CPNE4: variants seen among roughly 807,000 people sequenced by gnomAD.
CPNE4 encodes the protein copine 4.
In CPNE4, 25 loss-of-function variants were observed where a neutral mutation model predicts 67.9. The ratio of observed to expected loss-of-function variants is 0.37; its 90% confidence interval spans 0.27 to 0.51. The LOEUF (loss-of-function observed/expected upper bound fraction) is 0.51, where lower values mean the gene tolerates loss of function less well. Among genes scored for constraint, CPNE4 ranks in the 20% least tolerant of loss-of-function variants. The pLI is 0.93. For missense variants in CPNE4, 464 were observed against 690.8 expected (o/e 0.67, Z 3.68); for synonymous variants, 242 against 244.9 (o/e 0.99, Z 0.11).
chr3:131,776,768 G>A (rs969375523), intron 2 of CPNE4, among the ~76,000 whole-genome samples: 1 of 152,076 alleles, frequency 6.6e-6, no homozygotes, highest in East Asian at 1.9e-4. Flanking sequence ...GTTGGACAAT[G>A]CCTTTTGTTC....
intron 14 of CPNE4, 151 bp downstream of exon 14, chr3:131,549,796 A>G: frequency 3.6e-6 from 3 of 829,494 alleles, no homozygotes; most frequent in Non-Finnish European, 5.7e-6. Context: ...TCAGATGTCA[A>G]GACTGAGGAT....
At chr3:132,026,350 T>C (rs2074115862) in intron 1 of CPNE4, among the ~76,000 whole-genome samples, 1 of 152,204 alleles carries the variant, frequency 6.6e-6, no homozygotes, top group African/African-American at 2.4e-5. Context: ...AATAACCATG[T>C]TACAAGGCAC....
intron 1 of CPNE4, among the ~76,000 whole-genome samples, chr3:131,975,239 G>A (rs16838168): frequency 0.022 from 3,405 of 152,206 alleles, 58 homozygotes; most frequent in South Asian, 0.065. Context: ...TGCAAGTTAA[G>A]AGAACCCAGT....
intron 2 of CPNE4, among the ~76,000 whole-genome samples, chr3:131,862,813 T>C (rs2086746896): frequency 6.6e-6 from 1 of 152,092 alleles, no homozygotes; most frequent in Admixed American, 6.6e-5. Flanking sequence ...ACCCATTAAC[T>C]CGTCATTTGA....
In CPNE4 at chr3:132,016,265, G is replaced by A. The variant is rs541890929; in HGVS notation, c.-2+18302C>T. On this transcript the variant is annotated intron_variant, in intron 1 of 15. Transcript: ENST00000429747. The stretch of plus-strand genomic sequence containing the variant: ...CCAGGCTCTCTGAGATATCCATTGT[G>A]TCAGACCATTAGCCTCAGAAGCATG... Among the ~76,000 whole-genome samples, 3 of 152,256 alleles carry A rather than the reference G, an allele frequency of 2.0e-5. No homozygotes were observed. In the East Asian group the frequency reaches 5.8e-4, roughly 29 times the overall value.
chr3:131,939,104 A>T (rs182094184), intron 1 of CPNE4, among the ~76,000 whole-genome samples: 1 of 152,188 alleles, frequency 6.6e-6, no homozygotes, highest in African/African-American at 2.4e-5. Context: ...GTAAACGCAT[A>T]TACCCTTTGA....
intron 3 of CPNE4, among the ~76,000 whole-genome samples, chr3:131,722,312 A>T (rs1171367194): frequency 6.6e-6 from 1 of 152,138 alleles, no homozygotes; most frequent in Non-Finnish European, 1.5e-5. Context: ...AAAAAGTACA[A>T]AATAAAAATG....
chr3:131,906,656 T>C (rs2088779607), intron 1 of CPNE4, among the ~76,000 whole-genome samples: 1 of 152,036 alleles, frequency 6.6e-6, no homozygotes, highest in Non-Finnish European at 1.5e-5. Flanking sequence ...CTATCATTGT[T>C]GGACATTTGG....
At chr3:131,753,625 C>G (rs573879354) in intron 2 of CPNE4, among the ~76,000 whole-genome samples, 1 of 152,124 alleles carries the variant, frequency 6.6e-6, no homozygotes, top group Admixed American at 6.5e-5. Context: ...AGAACATAAA[C>G]AGATAATTCA....
At chr3:131,893,587 C>A (rs1258843368) in intron 2 of CPNE4, among the ~76,000 whole-genome samples, 1 of 151,828 alleles carries the variant, frequency 6.6e-6, no homozygotes, top group Admixed American at 6.6e-5. Context: ...ATAAAACAAG[C>A]CTTAAGCATA....
chr3:131,900,023 A>T (rs970122645), intron 2 of CPNE4, among the ~76,000 whole-genome samples: 2 of 152,086 alleles, frequency 1.3e-5, no homozygotes, highest in African/African-American at 2.4e-5. Context: ...ATGCTAGGTC[A>T]TATGGTGACC....
At chr3:132,014,405 T>C (rs1169297053) in intron 1 of CPNE4, among the ~76,000 whole-genome samples, 2 of 152,066 alleles carry the variant, frequency 1.3e-5, no homozygotes, top group Non-Finnish European at 2.9e-5. Flanking sequence ...CACCCTGACT[T>C]TCCTAGTGAC....
chr3:131,966,332 CAA>C (rs1304142192), intron 1 of CPNE4, among the ~76,000 whole-genome samples: 3 of 151,996 alleles, frequency 2.0e-5, no homozygotes, highest in African/African-American at 7.2e-5. Flanking sequence ...CAAGAGCAAA[CAA>C]ATTCAAAAGC....
At chr3:132,002,350 C>T (rs1446729248) in intron 1 of CPNE4, among the ~76,000 whole-genome samples, 1 of 152,138 alleles carries the variant, frequency 6.6e-6, no homozygotes, top group Non-Finnish European at 1.5e-5. Context: ...GTGTTGCTGA[C>T]TTGTCACTTT....
chr3:131,983,785 G>T lies in CPNE4; in HGVS notation c.-2+50782C>A, dbSNP rs373058198. On this transcript the variant is annotated intron_variant, in intron 1 of 15. Coordinates refer to ENST00000429747, the MANE Select transcript of CPNE4 (RefSeq NM_130808.3). ...ACTGATATCAAGAGTTTTCCAGGAG[G>T]AAACTGAAACAGGCAGTTGCAGCCA... 1.3e-3 allele frequency among the ~76,000 whole-genome samples: 201 copies of T among 152,298 alleles called. 6 individuals carry two copies. In the South Asian group the frequency reaches 0.04, roughly 30 times the overall value.
At chr3:131,882,630 G>A (rs537870552) in intron 2 of CPNE4, among the ~76,000 whole-genome samples, 15 of 151,748 alleles carry the variant, frequency 9.9e-5, no homozygotes, top group South Asian at 6.3e-4. Context: ...ACACTATTGT[G>A]CATTAAATTC....
intron 2 of CPNE4, among the ~76,000 whole-genome samples, chr3:131,788,512 A>T (rs1583199251): frequency 6.6e-6 from 1 of 152,150 alleles, no homozygotes; most frequent in East Asian, 1.9e-4. Context: ...CTCAATGTTG[A>T]CAAAGGTTGG....
intron 5 of CPNE4, among the ~76,000 whole-genome samples, chr3:131,686,694 C>T (rs1419179142): frequency 1.3e-5 from 2 of 152,178 alleles, no homozygotes; most frequent in African/African-American, 2.4e-5. Flanking sequence ...CTTGACAAGT[C>T]TTCAATGCCA....
chr3:131,642,347 C>A (rs2079561593), intron 7 of CPNE4, among the ~76,000 whole-genome samples: 1 of 152,134 alleles, frequency 6.6e-6, no homozygotes. Context: ...CCTCTGGCAG[C>A]ATCTCCCCTA....
Sources: gnomAD v4.1 joint callset for allele counts (sites outside exome capture counted in the v4.1 genomes callset) on GRCh38, gnomAD v4.1.1 for gene constraint, MANE v1.5 for transcripts, NCBI Gene and HGNC (gene_info 2026-07-23, HGNC 2026-07-21) for gene names.